The following YBEY variants were observed in gnomAD, a reference collection of about 807,000 sequenced individuals.
YBEY encodes ybeY metalloendoribonuclease.
A neutral mutation model predicts 13.5 loss-of-function variants in YBEY; 15 were observed. The observed-to-expected ratio is 1.11, with a 90% CI of 0.75 to 1.72. The LOEUF (loss-of-function observed/expected upper bound fraction) is 1.72, where lower values mean the gene tolerates loss of function less well. Ranked by LOEUF, YBEY falls within the 40% of genes most tolerant of loss-of-function variation. The pLI, the probability that YBEY is intolerant of heterozygous loss-of-function variation, is 0.00. For synonymous variants in YBEY, 101 were observed against 83.1 expected (o/e 1.21, Z -1.17); for missense variants, 244 against 208.4 (o/e 1.17, Z -1.05).
chr21:46,302,214 C>A (rs1327281326), downstream of YBEY: 16 of 1,433,716 alleles, frequency 1.1e-5, no homozygotes, highest in Middle Eastern at 2.1e-4. Context: ...CCTCCACTCC[C>A]GCCCTGTTCC....
downstream of YBEY, chr21:46,302,496 G>C (rs758265686): frequency 1.2e-6 from 2 of 1,610,748 alleles, no homozygotes; most frequent in Non-Finnish European, 1.7e-6. Flanking sequence ...TGCAGGGCTG[G>C]GGGCAGGGCC....
chr21:46,309,100 C>G, the YBEY span, among the ~76,000 whole-genome samples: 2 of 151,902 alleles, frequency 1.3e-5, no homozygotes, highest in Non-Finnish European at 2.9e-5. Flanking sequence ...GGGTGGATCA[C>G]CTGAGGTCAG....
downstream of YBEY, chr21:46,302,439 AG>A (rs774847130): frequency 6.9e-7 from 1 of 1,443,698 alleles, no homozygotes; most frequent in East Asian, 2.4e-5. Flanking sequence ...AAAACCACCC[AG>A]GCCCTGTTTC....
At chr21:46,289,023 C>CA (rs1016078264) in intron 2 of YBEY, among the ~76,000 whole-genome samples, 8 of 151,152 alleles carry the variant, frequency 5.3e-5, no homozygotes, top group South Asian at 2.1e-4. Flanking sequence ...CACCCTTTTT[C>CA]AAAAAAAAAG....
chr21:46,296,013 G>C (rs2081941588), intron 3 of YBEY, 149 bp from the exon 4 acceptor site: 2 of 693,122 alleles, frequency 2.9e-6, no homozygotes, highest in South Asian at 1.7e-5. Context: ...AACTGAAGCT[G>C]AGTGCCTGTA....
At chr21:46,291,233 A>C in intron 2 of YBEY, 101 bp from the exon 3 acceptor site, 1 of 1,355,860 alleles carries the variant, frequency 7.4e-7, no homozygotes, top group South Asian at 1.3e-5. Flanking sequence ...TGGCTCAGAG[A>C]TAAGTGCTTA....
chr21:46,300,702 G>C, downstream of YBEY: 2 of 1,285,606 alleles, frequency 1.6e-6, no homozygotes, highest in Non-Finnish European at 2.0e-6. Flanking sequence ...CAACTCTCTG[G>C]TCATCCTGTC....
chr21:46,302,065 C>T (rs1442434258), downstream of YBEY: 8 of 1,519,568 alleles, frequency 5.3e-6, no homozygotes, highest in Admixed American at 1.7e-4. Context: ...CAGGTGGCCA[C>T]ACAGCATGGT....
intron 3 of YBEY, 134 bp downstream of exon 3, chr21:46,291,596 G>C (rs1722944149): frequency 1.3e-6 from 2 of 1,486,362 alleles, no homozygotes; most frequent in Non-Finnish European, 1.8e-6. Context: ...CCTGTAAGCA[G>C]GGTGTGAGGA....
At chr21:46,301,819 G>A (rs559419014), downstream of YBEY, 28 of 1,261,252 alleles carry the variant, frequency 2.2e-5, no homozygotes, top group South Asian at 4.5e-4. Flanking sequence ...GAATGGCCCC[G>A]TGACCAGAAA....
chr21:46,287,685 C>T (rs1174419048), intron 2 of YBEY, among the ~76,000 whole-genome samples: 1 of 152,078 alleles, frequency 6.6e-6, no homozygotes. Flanking sequence ...ACACTGGTAA[C>T]CCAGCAGGAA....
At chr21:46,292,836 CAG>C (rs1353310617) in intron 3 of YBEY, among the ~76,000 whole-genome samples, 7 of 117,118 alleles carry the variant, frequency 6.0e-5, no homozygotes, top group African/African-American at 2.1e-4. Flanking sequence ...GCCCGGGACT[CAG>C]TGGAGTCAGC....
Position 46,291,376 on chromosome 21 carries a change from G to A in YBEY, c.253G>A (p.Asp85Asn). 6.2e-7 allele frequency: 1 copy of A among 1,614,042 alleles called. No homozygotes were observed. ...GEFPQPDFPDDYNLGDIFLGV... is the reference protein window; with the variant it reads ...GEFPQPDFPDNYNLGDIFLGV... ...ATTTCCCCAGCCTGATTTTCCAGATGACTACAATTTGGGAGACATTTTCCT... is the reference window on the plus strand; with the variant it reads ...ATTTCCCCAGCCTGATTTTCCAGATAACTACAATTTGGGAGACATTTTCCT... The change falls in exon 3 of 5, where the codon GAC (aspartate) becomes AAC (asparagine). Residue 85 changes from aspartate to asparagine, a missense_variant. By Grantham distance (23) the Asp-to-Asn change is conservative. Transcript: ENST00000397701.
chr21:46,297,327 A>T (rs943997231), intron 4 of YBEY, among the ~76,000 whole-genome samples: 5 of 137,768 alleles, frequency 3.6e-5, no homozygotes, highest in African/African-American at 1.4e-4. Context: ...GGCCCCGCTT[A>T]TTCTCCCGGC....
the YBEY span, among the ~76,000 whole-genome samples, chr21:46,303,746 T>TATATATATATA: frequency 2.6e-3 from 31 of 12,024 alleles, no homozygotes; most frequent in Admixed American, 6.6e-3. Context: ...TATATATATA[T>TATATATATATA]TTTTTTTTTT....
chr21:46,297,294 T>C (rs4989913), intron 4 of YBEY, among the ~76,000 whole-genome samples: 124,272 of 145,998 alleles, frequency 0.85, 53,605 homozygotes, highest in African/African-American at 0.95. Context: ...TGCCCCCCTT[T>C]CTTCCTCCCA....
downstream of YBEY, among the ~76,000 whole-genome samples, chr21:46,298,093 G>C (rs116387654): frequency 0.012 from 1,872 of 152,374 alleles, 37 homozygotes; most frequent in African/African-American, 0.043. Context: ...CTGGTTCCCC[G>C]GGGCCTCCCG....
intron 2 of YBEY, among the ~76,000 whole-genome samples, chr21:46,290,690 C>G (rs1326927494): frequency 6.6e-6 from 1 of 151,852 alleles, no homozygotes; most frequent in Non-Finnish European, 1.5e-5. Context: ...AGGCAGATCA[C>G]CTGAGGTCAG....
At chr21:46,286,709 T>C (rs1601562428) in intron 1 of YBEY, 161 bp from the exon 2 acceptor site, 3 of 516,382 alleles carry the variant, frequency 5.8e-6, no homozygotes, top group Non-Finnish European at 1.0e-5. Context: ...CATCCTTCCA[T>C]AGACCCTCGT....
Sources: gnomAD v4.1 joint callset for allele counts (sites outside exome capture counted in the v4.1 genomes callset) on GRCh38, gnomAD v4.1.1 for gene constraint, MANE v1.5 for transcripts, NCBI Gene and HGNC (gene_info 2026-07-23, HGNC 2026-07-21) for gene names.